The following CAMTA1 variants were observed in gnomAD, a reference collection of about 807,000 sequenced individuals.
CAMTA1 encodes the protein calmodulin-binding transcription activator 1.
CAMTA1 carries 27 observed loss-of-function variants against 170.9 expected under a neutral mutation model. The observed-to-expected ratio is 0.16, with a 90% CI of 0.12 to 0.22. The LOEUF (loss-of-function observed/expected upper bound fraction) is 0.22. Among genes scored for constraint, CAMTA1 ranks in the 10% least tolerant of loss-of-function variants. CAMTA1 has a pLI of 1.00. For synonymous variants in CAMTA1, 833 were observed against 891.5 expected, an observed-to-expected ratio of 0.93 and a Z score of 1.17; for missense variants, 1,619 against 2,217.2, an observed-to-expected ratio of 0.73 and a Z score of 5.42.
intron 4 of CAMTA1, among the ~76,000 whole-genome samples, chr1:7,242,052 G>T (rs1182740175): frequency 6.6e-6 from 1 of 152,140 alleles, no homozygotes; most frequent in Non-Finnish European, 1.5e-5. Flanking sequence ...CAAATCATAT[G>T]TCTGATAAAG....
chr1:7,036,176 TGGA>T (rs897819185), intron 3 of CAMTA1, among the ~76,000 whole-genome samples: 1 of 152,184 alleles, frequency 6.6e-6, no homozygotes, highest in African/African-American at 2.4e-5. Flanking sequence ...AAAAATAAAT[TGGA>T]GGATATCTAG....
chr1:7,110,913 C>G (rs1310765274), intron 4 of CAMTA1, among the ~76,000 whole-genome samples: 34 of 152,204 alleles, frequency 2.2e-4, no homozygotes, highest in Non-Finnish European at 1.5e-5. Context: ...GACTGGAACG[C>G]ATTGTCTTAC....
rs543005135 is a variant in CAMTA1, at chr1:7,707,657, G to A, written c.2915-24791G>A. Among the ~76,000 whole-genome samples, 3 of 152,346 alleles carry A rather than the reference G, an allele frequency of 2.0e-5. No homozygotes were observed. The East Asian group carries it at 5.8e-4, about 29-fold the overall frequency. ...CTCCCAAAGTGCTGAGATCACAGGC[G>A]TGATGGTGGGAGAAGTCCAGATGTG... On this transcript the variant is annotated intron_variant, in intron 11 of 22. Coordinates refer to ENST00000303635, the MANE Select transcript of CAMTA1 (RefSeq NM_015215.4).
intron 4 of CAMTA1, among the ~76,000 whole-genome samples, chr1:7,225,474 C>T (rs1157026044): frequency 1.3e-5 from 2 of 152,156 alleles, no homozygotes; most frequent in Non-Finnish European, 2.9e-5. Context: ...TCCGAGTGGC[C>T]CTGGGAATTC....
At chr1:7,590,378 G>A (rs1009898914) in intron 6 of CAMTA1, among the ~76,000 whole-genome samples, 2 of 152,208 alleles carry the variant, frequency 1.3e-5, no homozygotes, top group Non-Finnish European at 2.9e-5. Context: ...GGGCCCTGGT[G>A]GGGGCAGTTT....
At chr1:7,253,088 G>A (rs1192444655) in intron 5 of CAMTA1, among the ~76,000 whole-genome samples, 1 of 152,168 alleles carries the variant, frequency 6.6e-6, no homozygotes, top group Admixed American at 6.5e-5. Flanking sequence ...AGGTTGGCAG[G>A]AAGGAAAAAG....
chr1:7,035,655 T>C (rs1703481017), intron 3 of CAMTA1, among the ~76,000 whole-genome samples: 1 of 152,188 alleles, frequency 6.6e-6, no homozygotes, highest in Non-Finnish European at 1.5e-5. Flanking sequence ...TTTACAAAAA[T>C]GGTTCTGACC....
intron 9 of CAMTA1, among the ~76,000 whole-genome samples, chr1:7,667,374 G>A (rs1314196180): frequency 1.3e-5 from 2 of 152,172 alleles, no homozygotes; most frequent in Non-Finnish European, 2.9e-5. Context: ...GACGGTCAGA[G>A]CTGTCTTCTG....
At chr1:7,015,643 G>A (rs1700425217) in intron 3 of CAMTA1, among the ~76,000 whole-genome samples, 1 of 152,204 alleles carries the variant, frequency 6.6e-6, no homozygotes, top group Non-Finnish European at 1.5e-5. Context: ...ACCACATCCT[G>A]CAGTGTATTC....
At chr1:6,792,027 C>A (rs1479301992) in intron 1 of CAMTA1, among the ~76,000 whole-genome samples, 1 of 151,478 alleles carries the variant, frequency 6.6e-6, no homozygotes, top group Non-Finnish European at 1.5e-5. Flanking sequence ...GATCTCCGCT[C>A]CCTGCAACCT....
At chr1:7,518,840 G>C (rs2094322524) in intron 6 of CAMTA1, among the ~76,000 whole-genome samples, 2 of 152,020 alleles carry the variant, frequency 1.3e-5, no homozygotes, top group Non-Finnish European at 2.9e-5. Flanking sequence ...TCTCCCTTCT[G>C]AGGTCAAACT....
chr1:7,595,963 A>C (rs974068829), intron 6 of CAMTA1, among the ~76,000 whole-genome samples: 10 of 152,192 alleles, frequency 6.6e-5, no homozygotes, highest in Admixed American at 4.6e-4. Context: ...GGGGCCTGAC[A>C]CTTGACCAGC....
intron 3 of CAMTA1, among the ~76,000 whole-genome samples, chr1:6,975,863 A>T (rs1693329482): frequency 6.6e-6 from 1 of 152,200 alleles, no homozygotes; most frequent in Non-Finnish European, 1.5e-5. Flanking sequence ...ATCTCTATGG[A>T]TCTGCCTATT....
At chr1:7,280,473 C>T (rs1671347346) in intron 5 of CAMTA1, among the ~76,000 whole-genome samples, 1 of 152,250 alleles carries the variant, frequency 6.6e-6, no homozygotes. Flanking sequence ...TCTGGCTGTG[C>T]ACTGCTGAGT....
At chr1:6,943,484 C>T (rs1384990455) in intron 3 of CAMTA1, among the ~76,000 whole-genome samples, 1 of 152,196 alleles carries the variant, frequency 6.6e-6, no homozygotes, top group Non-Finnish European at 1.5e-5. Context: ...CCTTTCCTCC[C>T]TCAGCGTCTT....
intron 4 of CAMTA1, among the ~76,000 whole-genome samples, chr1:7,095,445 G>A (rs2148180109): frequency 6.6e-6 from 1 of 152,330 alleles, no homozygotes; most frequent in Non-Finnish European, 1.5e-5. Context: ...TGGATGCTGT[G>A]CTTTGAAACC....
chr1:7,654,148 A>G (rs1038887064), intron 7 of CAMTA1, among the ~76,000 whole-genome samples: 9 of 151,886 alleles, frequency 5.9e-5, no homozygotes, highest in Non-Finnish European at 1.0e-4. Context: ...CAGGAGGCCG[A>G]GGTGGGTGTA....
intron 6 of CAMTA1, among the ~76,000 whole-genome samples, chr1:7,569,249 AT>A (rs1277496934): frequency 6.8e-6 from 1 of 147,326 alleles, no homozygotes; most frequent in Non-Finnish European, 1.5e-5. Flanking sequence ...CATCATCATC[AT>A]CACCAAATCA....
At chr1:7,745,382 C>T (rs981158194) in intron 17 of CAMTA1, among the ~76,000 whole-genome samples, 3 of 151,918 alleles carry the variant, frequency 2.0e-5, no homozygotes, top group African/African-American at 7.3e-5. Context: ...CAAAATTAGC[C>T]GGGCATGGTG....
Sources: gnomAD v4.1 joint callset for allele counts (sites outside exome capture counted in the v4.1 genomes callset) on GRCh38, gnomAD v4.1.1 for gene constraint, MANE v1.5 for transcripts, NCBI Gene and HGNC (gene_info 2026-07-23, HGNC 2026-07-21) for gene names.